The following DYNC2LI1 variants were observed in gnomAD, a reference collection of about 807,000 sequenced individuals.
The protein encoded by DYNC2LI1 is cytoplasmic dynein 2 light intermediate chain 1.
Under a neutral mutation model 51.9 loss-of-function variants are expected in DYNC2LI1, and 45 were observed. The ratio of observed to expected loss-of-function variants is 0.87; its 90% CI spans 0.68 to 1.11. The LOEUF (loss-of-function observed/expected upper bound fraction) is 1.11. Among genes scored for constraint, DYNC2LI1 ranks in the 50% most tolerant of loss-of-function variants. The pLI is 0.00. For synonymous variants in DYNC2LI1, 130 were observed against 137.8 expected (o/e 0.94, Z 0.40); for missense variants, 490 against 417.4 (o/e 1.17, Z -1.51).
rs1673130134 is a variant in DYNC2LI1 at position 43,778,605 on chromosome 2, C to T, written c.126+1706C>T. Reference sequence around the variant, plus strand: ...AATAACTAGTACTAGTCTTATGGTACAAATACATTTCTATTACAGAAAACA... The same window carrying T: ...AATAACTAGTACTAGTCTTATGGTATAAATACATTTCTATTACAGAAAACA... On this transcript the variant is annotated intron_variant, in intron 2 of 12. Transcript: ENST00000260605. Among the ~76,000 whole-genome samples the T allele has an allele frequency of 2.6e-5, 4 of 152,144 alleles. No homozygotes were observed. The South Asian group carries it at 8.3e-4, about 32-fold the overall frequency.
At chr2:43,826,624 TCAAA>T in the DYNC2LI1 span, 1 of 1,541,224 alleles carries the variant, frequency 6.5e-7, no homozygotes, top group Non-Finnish European at 8.9e-7. Context: ...TGTACCCCAT[TCAAA>T]CAGTGTGCGG....
downstream of DYNC2LI1, chr2:43,813,007 C>T: frequency 4.2e-6 from 3 of 716,716 alleles, no homozygotes; most frequent in South Asian, 4.5e-5. Context: ...GGTTAAAAGA[C>T]TTGAGATGTC....
At chr2:43,794,917 T>C in intron 6 of DYNC2LI1, 1 of 1,348,020 alleles carries the variant, frequency 7.4e-7, no homozygotes, top group Non-Finnish European at 9.5e-7. Context: ...AGTGGTTTGA[T>C]ATTGATTTTA....
downstream of DYNC2LI1, chr2:43,810,299 A>G (rs1666438031): frequency 8.6e-6 from 8 of 931,044 alleles, no homozygotes; most frequent in Middle Eastern, 1.1e-3. Flanking sequence ...GTGGTCTGGA[A>G]TGGGGCATTT....
the DYNC2LI1 span, chr2:43,824,368 C>A: frequency 1.2e-6 from 2 of 1,614,056 alleles, no homozygotes; most frequent in Non-Finnish European, 1.7e-6. Flanking sequence ...ATTCTATCAT[C>A]TGGACTCTCT....
the DYNC2LI1 span, among the ~76,000 whole-genome samples, chr2:43,820,660 G>A: frequency 2.6e-5 from 4 of 151,910 alleles, no homozygotes. Flanking sequence ...TTTGACCTTC[G>A]TTTTCTTTTT....
At chr2:43,785,690 T>C (rs13427446) in intron 3 of DYNC2LI1, among the ~76,000 whole-genome samples, 22,030 of 150,686 alleles carry the variant, frequency 0.15, 2,287 homozygotes, top group African/African-American at 0.28. Context: ...CCCAAGATTG[T>C]GCCACTGCAA....
chr2:43,823,966 T>G, the DYNC2LI1 span: 4 of 1,613,944 alleles, frequency 2.5e-6, no homozygotes, highest in African/African-American at 5.3e-5. Context: ...CACAAACTGG[T>G]AAAGGAGACC....
At chr2:43,823,403 C>T in the DYNC2LI1 span, among the ~76,000 whole-genome samples, 16 of 151,896 alleles carry the variant, frequency 1.1e-4, no homozygotes, top group East Asian at 2.9e-3. Flanking sequence ...TTCACAATAG[C>T]GAAGTCCTTC....
At chr2:43,785,756 G>T (rs1445025736) in intron 3 of DYNC2LI1, among the ~76,000 whole-genome samples, 4 of 151,640 alleles carry the variant, frequency 2.6e-5, no homozygotes, top group African/African-American at 9.7e-5. Context: ...CCACTTATAT[G>T]AGATATCTAA....
At chr2:43,824,888 C>T in the DYNC2LI1 span, 8 of 1,613,770 alleles carry the variant, frequency 5.0e-6, no homozygotes, top group East Asian at 1.8e-4. Context: ...GAAAAACTTA[C>T]TATAGAAGTC....
At chr2:43,812,749 C>A, downstream of DYNC2LI1, 1 of 206,120 alleles carries the variant, frequency 4.9e-6, no homozygotes, top group Non-Finnish European at 9.9e-6. Context: ...TTATTTTTGC[C>A]TAATCCTTTA....
chr2:43,791,152 T>C (rs985011624), intron 5 of DYNC2LI1, among the ~76,000 whole-genome samples: 2 of 152,128 alleles, frequency 1.3e-5, no homozygotes, highest in African/African-American at 4.8e-5. Context: ...GCCAGGGAGT[T>C]CAAGGCTGCA....
chr2:43,823,044 G>C, the DYNC2LI1 span: 3 of 1,470,696 alleles, frequency 2.0e-6, no homozygotes, highest in Non-Finnish European at 2.8e-6. Context: ...GTGAGGACCA[G>C]CTAGGGGGGT....
chr2:43,805,892 T>C (rs1007244774), intron 12 of DYNC2LI1, among the ~76,000 whole-genome samples: 5 of 151,292 alleles, frequency 3.3e-5, no homozygotes, highest in African/African-American at 1.2e-4. Context: ...TTCTTTTTCT[T>C]TTTTTTTTAA....
At chr2:43,813,062 A>G, downstream of DYNC2LI1, 1 of 790,968 alleles carries the variant, frequency 1.3e-6, no homozygotes, top group Non-Finnish European at 2.3e-6. Flanking sequence ...AGACGTTCAG[A>G]GCAGTCATGC....
chr2:43,826,657 A>C, the DYNC2LI1 span: 2 of 1,366,944 alleles, frequency 1.5e-6, no homozygotes, highest in Admixed American at 1.8e-5. Flanking sequence ...AAACATGTAA[A>C]CTGGCTTTCA....
downstream of DYNC2LI1, chr2:43,814,566 G>C: frequency 6.2e-7 from 1 of 1,602,556 alleles, no homozygotes; most frequent in Middle Eastern, 1.7e-4. Context: ...GATTTTAAAA[G>C]GAATGGGCAT....
chr2:43,788,596 T>C (rs971143312), intron 4 of DYNC2LI1, among the ~76,000 whole-genome samples: 2 of 152,194 alleles, frequency 1.3e-5, no homozygotes. Context: ...GAACGTCTTA[T>C]GGAATCAGTG....
Sources: gnomAD v4.1 joint callset for allele counts (sites outside exome capture counted in the v4.1 genomes callset) on GRCh38, gnomAD v4.1.1 for gene constraint, MANE v1.5 for transcripts, NCBI Gene and HGNC (gene_info 2026-07-23, HGNC 2026-07-21) for gene names.